GNG7: variants seen among roughly 807,000 people sequenced by gnomAD.
GNG7 encodes the protein guanine nucleotide-binding protein G(I)/G(S)/G(O) subunit gamma-7.
Under a neutral mutation model 4.0 loss-of-function variants are expected in GNG7, and 1 was observed. The ratio of observed to expected loss-of-function variants is 0.25; its 90% CI spans 0.09 to 1.18. GNG7 has a LOEUF of 1.18. Among genes scored for constraint, GNG7 ranks in the 50% most tolerant of loss-of-function variants. GNG7 has a pLI of 0.50. For missense variants in GNG7, 86 were observed against 91.9 expected, an observed-to-expected ratio of 0.94 and a Z score of 0.26; for synonymous variants, 34 against 36.9, an observed-to-expected ratio of 0.92 and a Z score of 0.29.
At position 2,511,812 on chromosome 19, in the gene GNG7, A is replaced by ACC; in HGVS notation, c.*3209_*3210insGG. 1 of 986,328 alleles carries ACC rather than the reference A, an allele frequency of 1.0e-6. No homozygotes were observed. Among genetic ancestry groups the ACC allele is most frequent in the Non-Finnish European group, 1.2e-6 (1 of 830,296 alleles). 61.1% of individuals were successfully genotyped at this position (986,328 alleles called of 1,614,324 possible). ...TATGTCCCCAGAGGCCAGAGGTCGC[A>ACC]GCTGAGCTATCTGTGCTTGGCCTGG... On this transcript the variant is annotated 3_prime_UTR_variant, in exon 5 of 5. Coordinates refer to ENST00000382159, the MANE Select transcript of GNG7 (RefSeq NM_052847.3). This position sits in a 1 kb window ranked among gnomAD's most constrained non-coding sequence, Gnocchi z 6.3.
rs869236480 is a variant in GNG7, at chr19:2,589,395, T to TTTTTA, written c.-77-34208_-77-34207insTAAAA. On this transcript the variant is annotated intron_variant, in intron 2 of 4. Transcript: ENST00000382159. ...ACTTTTTTTTTTTTTTTTTTTTTTT[T>TTTTTA]AAATAGCAGAGATGGTGTTTTGCCA... Among the ~76,000 whole-genome samples, 779 of 112,974 alleles carry TTTTTA rather than the reference T, an allele frequency of 6.9e-3. 10 individuals are homozygous for TTTTTA. The highest frequency in any genetic ancestry group is 0.022 in the African/African-American group (739 of 33,504). 74.1% of individuals were successfully genotyped at this position (112,974 alleles called of 152,430 possible).
chr19:2,529,376 C>G (rs1417260139), intron 3 of GNG7, among the ~76,000 whole-genome samples: 2 of 152,194 alleles, frequency 1.3e-5, no homozygotes, highest in African/African-American at 4.8e-5. Flanking sequence ...CGCCACCACG[C>G]CCGGCTAATT....
At chr19:2,535,822 A>G (rs534828190) in intron 3 of GNG7, among the ~76,000 whole-genome samples, 6 of 152,190 alleles carry the variant, frequency 3.9e-5, no homozygotes, top group Non-Finnish European at 1.5e-5. Flanking sequence ...TGACCCCATC[A>G]AGTTCATATG....
Position 2,653,472 on chromosome 19 carries a change from TG to T in GNG7, c.-134-7193del, listed in dbSNP as rs1210796898. Among the ~76,000 whole-genome samples the T allele has an allele frequency of 6.6e-6, 1 of 151,564 alleles. No homozygotes were observed. The highest frequency in any genetic ancestry group is 6.6e-5 in the Admixed American group (1 of 15,252). Reference sequence around the variant, plus strand: ...GAGGGAGGAGGAGAATCCCAGGAGCTGGGGGGCCCCCCTGGTTTATACCGTC... The same window carrying T: ...GAGGGAGGAGGAGAATCCCAGGAGCTGGGGGCCCCCCTGGTTTATACCGTC... On this transcript the variant is annotated intron_variant, in intron 1 of 4. Transcript: ENST00000382159. This position sits in a 1 kb window ranked among gnomAD's most constrained non-coding sequence, Gnocchi z 4.8.
chr19:2,630,774 C>G (rs1343365630), intron 2 of GNG7: 1 of 151,440 alleles, frequency 6.6e-6, no homozygotes, highest in Non-Finnish European at 1.5e-5. Context: ...CCCAGCCACA[C>G]TACATCCAAA....
At chr19:2,607,359 T>C (rs11084946) in intron 2 of GNG7, among the ~76,000 whole-genome samples, 125,041 of 151,372 alleles carry the variant, frequency 0.83, 52,099 homozygotes, top group Non-Finnish European at 0.89. Context: ...CATTTTTAGT[T>C]TCTACTAAAA....
chr19:2,526,437 A>T (rs892240270), intron 3 of GNG7, among the ~76,000 whole-genome samples: 1 of 120,810 alleles, frequency 8.3e-6, no homozygotes, highest in Admixed American at 8.3e-5. Context: ...CTTATACTAT[A>T]TTATACTATA....
chr19:2,606,655 CA>C (rs137921403), intron 2 of GNG7, among the ~76,000 whole-genome samples: 134 of 29,510 alleles, frequency 4.5e-3, no homozygotes, highest in African/African-American at 0.015. Flanking sequence ...AACTCTGTCT[CA>C]AAAAAAAATA....
At chr19:2,659,592 T>TAAAAAAAAAAAAAAAA (rs879035849) in intron 1 of GNG7, among the ~76,000 whole-genome samples, 1 of 43,474 alleles carries the variant, frequency 2.3e-5, no homozygotes, top group African/African-American at 1.1e-4. Context: ...GACTCCATCT[T>TAAAAAAAAAAAAAAAA]AAAAAAAAAA....
At chr19:2,625,834 C>T (rs144505722) in intron 2 of GNG7, among the ~76,000 whole-genome samples, 15 of 151,832 alleles carry the variant, frequency 9.9e-5, no homozygotes, top group African/African-American at 3.6e-4. Context: ...CTCACTCTGT[C>T]GCCCAGGCTG....
At chr19:2,544,337 A>G (rs1275717512) in intron 3 of GNG7, among the ~76,000 whole-genome samples, 1 of 152,220 alleles carries the variant, frequency 6.6e-6, no homozygotes, top group African/African-American at 2.4e-5. Context: ...GTCAATGTGC[A>G]CATCTGCACG....
chr19:2,644,332 T>C (rs1363676872), intron 2 of GNG7, among the ~76,000 whole-genome samples: 4 of 4,268 alleles, frequency 9.4e-4, no homozygotes, highest in Non-Finnish European at 1.6e-3. Context: ...ACACTTTATA[T>C]ATATATATAT....
chr19:2,603,828 G>A (rs551752402), intron 2 of GNG7, among the ~76,000 whole-genome samples: 1 of 150,756 alleles, frequency 6.6e-6, no homozygotes, highest in South Asian at 2.1e-4. Flanking sequence ...TAAGGGAGAA[G>A]TGCCTGTTCT....
intron 2 of GNG7, among the ~76,000 whole-genome samples, chr19:2,588,312 T>C (rs1305179587): frequency 6.6e-6 from 1 of 152,196 alleles, no homozygotes; most frequent in African/African-American, 2.4e-5. Flanking sequence ...CTTTACATCC[T>C]AATCAGCTCC....
At chr19:2,538,339 A>G (rs1398715055) in intron 3 of GNG7, 1 of 452,844 alleles carries the variant, frequency 2.2e-6, no homozygotes, top group Non-Finnish European at 4.4e-6. Context: ...GCGTCAGGCC[A>G]TCAGCAGTGG....
intron 2 of GNG7, among the ~76,000 whole-genome samples, chr19:2,570,144 C>G (rs117337522): frequency 0.039 from 5,957 of 152,056 alleles, 192 homozygotes; most frequent in Admixed American, 0.086. Flanking sequence ...TTAAAAAAAG[C>G]CTGGCACCTC....
intron 2 of GNG7, among the ~76,000 whole-genome samples, chr19:2,597,852 C>T (rs1009459428): frequency 1.1e-4 from 16 of 148,350 alleles, no homozygotes; most frequent in African/African-American, 2.8e-4. Context: ...GCCGAGATTG[C>T]GCCACTGCAC....
intron 1 of GNG7, among the ~76,000 whole-genome samples, chr19:2,671,647 C>A (rs1346680693): frequency 6.6e-6 from 1 of 152,090 alleles, no homozygotes; most frequent in Admixed American, 6.6e-5. Flanking sequence ...ACACCTGGCC[C>A]ATTCAAAGGG....
intron 2 of GNG7, among the ~76,000 whole-genome samples, chr19:2,592,896 GGAAGGAAGGAAA>G (rs1980891400): frequency 2.2e-5 from 3 of 139,340 alleles, no homozygotes; most frequent in Admixed American, 7.2e-5. Flanking sequence ...AGAAAACGAA[GGAAGGAAGGAAA>G]GAAGGAAGGA....
Sources: gnomAD v4.1 joint callset for allele counts (sites outside exome capture counted in the v4.1 genomes callset) on GRCh38, gnomAD v4.1.1 for gene constraint, Gnocchi (gnomAD v3.1) non-coding constraint, MANE v1.5 for transcripts, NCBI Gene and HGNC (gene_info 2026-07-23, HGNC 2026-07-21) for gene names.